WNK1: variants seen among roughly 807,000 people sequenced by gnomAD.
The protein encoded by WNK1 is serine/threonine-protein kinase WNK1.
Under a neutral mutation model 222.8 loss-of-function variants are expected in WNK1, and 38 were observed. That is an observed-to-expected ratio of 0.17 (90% CI 0.13 to 0.22). The LOEUF is 0.22. Among genes scored for constraint, WNK1 ranks in the 10% least tolerant of loss-of-function variants. WNK1 has a pLI of 1.00. For missense variants in WNK1, 2,348 were observed against 2,918.4 expected (o/e 0.80, Z 4.50); for synonymous variants, 1,090 against 1,092.9 (o/e 1.00, Z 0.05).
intron 1 of WNK1, among the ~76,000 whole-genome samples, chr12:762,148 C>T (rs1275307111): frequency 1.4e-5 from 2 of 145,498 alleles, no homozygotes; most frequent in East Asian, 2.0e-4. Flanking sequence ...CTACCTCTGC[C>T]TCCTGGGTTC....
intron 4 of WNK1, among the ~76,000 whole-genome samples, chr12:851,190 G>A (rs72648643): frequency 3.9e-4 from 59 of 152,096 alleles, no homozygotes; most frequent in African/African-American, 1.2e-3. Flanking sequence ...TCCAGTGTTC[G>A]TTTGGCTACA....
At chr12:881,435 G>C (rs1953150593) in intron 12 of WNK1, 2 of 522,912 alleles carry the variant, frequency 3.8e-6, no homozygotes, top group African/African-American at 3.8e-5. Context: ...TGCATGGCAA[G>C]TTGTAGGTTC....
intron 1 of WNK1, among the ~76,000 whole-genome samples, chr12:794,517 T>TC (rs1375473328): frequency 2.0e-5 from 3 of 152,002 alleles, no homozygotes; most frequent in African/African-American, 7.3e-5. Flanking sequence ...TTTTTTTTTT[T>TC]AAATGAAAGG....
intron 1 of WNK1, among the ~76,000 whole-genome samples, chr12:774,454 C>T (rs1167803813): frequency 1.3e-5 from 2 of 152,098 alleles, no homozygotes; most frequent in African/African-American, 4.8e-5. Flanking sequence ...ATTGCTGGTT[C>T]TAAAATAACA....
rs1217942716 is a variant in WNK1, at chr12:869,046, C to T, written c.2140-2219C>T. ...TTCTTCTGTTTCCCCCAAGGAACCACATCTCAGCAGGTCTTAACTGCCTCA... is the reference window on the plus strand; with the variant it reads ...TTCTTCTGTTTCCCCCAAGGAACCATATCTCAGCAGGTCTTAACTGCCTCA... On this transcript the variant is annotated intron_variant, in intron 8 of 27. Coordinates refer to ENST00000315939, the MANE Select transcript of WNK1 (RefSeq NM_018979.4). 6 of 1,613,600 alleles carry T rather than the reference C, an allele frequency of 3.7e-6. No homozygotes were observed. The highest frequency in any genetic ancestry group is 2.7e-5 in the African/African-American group (2 of 74,912).
chr12:758,726 G>A (rs953758586), intron 1 of WNK1, among the ~76,000 whole-genome samples: 4 of 147,066 alleles, frequency 2.7e-5, no homozygotes, highest in East Asian at 1.9e-4. Context: ...GAGAATCAGC[G>A]TAACTTTCCG....
intron 10 of WNK1, 99 bp from the exon 11 acceptor site, chr12:879,474 T>G: frequency 1.3e-6 from 1 of 771,724 alleles, no homozygotes; most frequent in Admixed American, 3.1e-5. Flanking sequence ...TTTTTCCTTC[T>G]TTTTGGCTAA....
At chr12:898,736 G>A (rs145440140) in intron 25 of WNK1, among the ~76,000 whole-genome samples, 1 of 148,726 alleles carries the variant, frequency 6.7e-6, no homozygotes, top group African/African-American at 2.4e-5. Flanking sequence ...ACCATGCCCT[G>A]CTAACTTTGA....
chr12:844,491 A>G (rs567353359), intron 4 of WNK1, among the ~76,000 whole-genome samples: 1 of 152,298 alleles, frequency 6.6e-6, no homozygotes, highest in African/African-American at 2.4e-5. Context: ...AAAATGTGGA[A>G]TAAAAAACTT....
intron 8 of WNK1, 80 bp from the exon 9 acceptor site, chr12:871,185 A>G: frequency 7.6e-7 from 1 of 1,315,706 alleles, no homozygotes; most frequent in Non-Finnish European, 1.1e-6. Flanking sequence ...GAGGAGATTA[A>G]ATATTCATTG....
rs562903511 is a variant in WNK1, at chr12:819,562, A to C, written c.932+5748A>C. ...ATGCTCAAGCCTGTGCCAAGTTTTA[A>C]ATTTTGATAAAATCCAATGTATCTG... is the stretch of plus-strand genomic sequence containing the variant. On this transcript the variant is annotated intron_variant, in intron 2 of 27. Transcript: ENST00000315939. 5.9e-5 allele frequency among the ~76,000 whole-genome samples: 9 copies of C among 152,186 alleles called. No individual in the cohort carries two copies. In the South Asian group the frequency reaches 1.9e-3, roughly 32 times the overall value.
At chr12:788,505 C>T (rs551065414) in intron 1 of WNK1, among the ~76,000 whole-genome samples, 8 of 152,116 alleles carry the variant, frequency 5.3e-5, no homozygotes, top group Admixed American at 6.5e-5. Context: ...ATGCCAGTAC[C>T]GGAAATGATT....
rs565837371 is a variant in WNK1, at chr12:890,562, G to A, written c.5509+49G>A. On this transcript the variant is annotated intron_variant, in intron 22 of 27. Transcript: ENST00000315939. ...TATATTACTAATTCCAGCCCTACCC[G>A]TAGTTGATTCAGGAGGTTTACCGTT... is the stretch of plus-strand genomic sequence containing the variant. 67 of 1,599,600 alleles carry A rather than the reference G, an allele frequency of 4.2e-5. 1 individual carries two copies. The East Asian group carries it at 5.4e-4, about 13-fold the overall frequency.
chr12:850,927 A>T (rs1309020338), intron 4 of WNK1, among the ~76,000 whole-genome samples: 1 of 152,150 alleles, frequency 6.6e-6, no homozygotes, highest in Non-Finnish European at 1.5e-5. Context: ...CCATTGGTCT[A>T]TATCTCTGTT....
chr12:874,687 G>T (rs912766579), intron 9 of WNK1, among the ~76,000 whole-genome samples: 3 of 152,038 alleles, frequency 2.0e-5, no homozygotes, highest in Non-Finnish European at 2.9e-5. Flanking sequence ...TTTGTACATT[G>T]TACCTACATT....
intron 4 of WNK1, among the ~76,000 whole-genome samples, chr12:846,379 A>G (rs1270509264): frequency 6.6e-6 from 1 of 152,238 alleles, no homozygotes; most frequent in Admixed American, 6.5e-5. Context: ...AAACCGTAGC[A>G]GGCAATGATA....
intron 8 of WNK1, among the ~76,000 whole-genome samples, chr12:864,363 G>C (rs903598194): frequency 6.6e-6 from 1 of 151,912 alleles, no homozygotes; most frequent in African/African-American, 2.4e-5. Flanking sequence ...CACCTGCCTC[G>C]GCCTCCCAAA....
At chr12:848,968 C>T (rs552713850) in intron 4 of WNK1, among the ~76,000 whole-genome samples, 87 of 152,244 alleles carry the variant, frequency 5.7e-4, no homozygotes, top group African/African-American at 2.0e-3. Flanking sequence ...CTACCCACAT[C>T]TTTATATCTG....
At chr12:900,084 C>T (rs189960008) in intron 25 of WNK1, among the ~76,000 whole-genome samples, 15 of 133,160 alleles carry the variant, frequency 1.1e-4, no homozygotes, top group Non-Finnish European at 1.8e-4. Context: ...CCTCTGGGTT[C>T]AAGCAATTCT....
Sources: gnomAD v4.1 joint callset for allele counts (sites outside exome capture counted in the v4.1 genomes callset) on GRCh38, gnomAD v4.1.1 for gene constraint, MANE v1.5 for transcripts, NCBI Gene and HGNC (gene_info 2026-07-23, HGNC 2026-07-21) for gene names.